Variants in CELF2 observed in about 807,000 individuals in gnomAD.
The protein encoded by CELF2 is CUGBP Elav-like family member 2.
In CELF2, 8 loss-of-function variants were observed where a neutral mutation model predicts 62.6. The ratio of observed to expected loss-of-function variants is 0.13; its 90% CI spans 0.07 to 0.23. The LOEUF (loss-of-function observed/expected upper bound fraction) is 0.23. Ranked by LOEUF, CELF2 falls within the 10% of genes least tolerant of loss-of-function variation. The probability of loss-of-function intolerance (pLI) is 1.00; values close to 1 mark genes in which losing one functional copy is unlikely to be tolerated. For missense variants in CELF2, 333 were observed against 671.0 expected (o/e 0.50, Z 5.56); for synonymous variants, 258 against 250.0 (o/e 1.03, Z -0.30).
chr10:11,011,254 T>C lies in CELF2; in HGVS notation c.53+5814T>C, dbSNP rs1430531994. 6.6e-6 allele frequency: 1 copy of C among 152,004 alleles called. No individual in the cohort carries two copies. Among genetic ancestry groups the C allele is most frequent in the East Asian group, 1.9e-4 (1 of 5,186 alleles). 9.4% of individuals were successfully genotyped at this position (152,004 alleles called of 1,614,324 possible). ...ATGAAAACCAAGCAAGTAACAAACA[T>C]ACATGCAGTGCTCAATGAAAGACAT... is the stretch of plus-strand genomic sequence containing the variant. On this transcript the variant is annotated intron_variant, in intron 1 of 12. Coordinates refer to the CELF2 transcript ENST00000416382. The surrounding 1 kb of genome is among the most constrained non-coding windows in gnomAD (Gnocchi z 4.6).
intron 1 of CELF2, among the ~76,000 whole-genome samples, chr10:11,134,329 C>G (rs1035370848): frequency 1.3e-5 from 2 of 152,170 alleles, no homozygotes; most frequent in African/African-American, 4.8e-5. Context: ...TCTGTAGTTG[C>G]GCATCTTCAC....
chr10:11,128,305 C>T (rs892862832), intron 1 of CELF2, among the ~76,000 whole-genome samples: 1 of 152,128 alleles, frequency 6.6e-6, no homozygotes, highest in African/African-American at 2.4e-5. Flanking sequence ...AGTTTGAAGT[C>T]AGGTAGTGTG....
the CELF2 span, among the ~76,000 whole-genome samples, chr10:10,503,963 A>G: frequency 1.3e-5 from 2 of 151,994 alleles, no homozygotes; most frequent in African/African-American, 4.8e-5. Flanking sequence ...CGATCTGCTG[A>G]TATCATCATT....
intron 1 of CELF2, among the ~76,000 whole-genome samples, chr10:11,048,928 A>G (rs751014838): frequency 6.6e-6 from 1 of 152,198 alleles, no homozygotes; most frequent in African/African-American, 2.4e-5. Context: ...TGTCAGGGAA[A>G]CAGAAATTAG....
intron 1 of CELF2, among the ~76,000 whole-genome samples, chr10:10,896,396 A>G (rs1165935788): frequency 6.6e-6 from 1 of 152,166 alleles, no homozygotes; most frequent in Non-Finnish European, 1.5e-5. Context: ...AAGATACACC[A>G]TGTGTACTGG....
chr10:10,929,143 G>A (rs1017750025), intron 2 of CELF2, among the ~76,000 whole-genome samples: 7 of 151,974 alleles, frequency 4.6e-5, no homozygotes, highest in African/African-American at 1.7e-4. Flanking sequence ...CATTTAATTG[G>A]CTGGAAAGTT....
intron 1 of CELF2, among the ~76,000 whole-genome samples, chr10:10,850,864 G>C (rs11256867): frequency 0.13 from 19,340 of 152,058 alleles, 1,611 homozygotes; most frequent in Non-Finnish European, 0.19. Flanking sequence ...GGAGTGCAGT[G>C]GCGTGACCTC....
intron 1 of CELF2, among the ~76,000 whole-genome samples, chr10:11,036,662 C>A (rs973911788): frequency 6.6e-6 from 1 of 152,212 alleles, no homozygotes; most frequent in Non-Finnish European, 1.5e-5. Context: ...CCTCCTCAGA[C>A]CAATCTCCTA....
At chr10:10,971,484 A>C (rs769736814) in intron 2 of CELF2, among the ~76,000 whole-genome samples, 1 of 151,880 alleles carries the variant, frequency 6.6e-6, no homozygotes, top group Non-Finnish European at 1.5e-5. Context: ...TGCTGCACCC[A>C]CCCTAGTTAC....
chr10:10,947,039 G>A lies in CELF2; in HGVS notation c.89+27040G>A, dbSNP rs535011410. 2.0e-5 allele frequency: 3 copies of A among 152,396 alleles called. No homozygotes were observed. Among genetic ancestry groups the A allele is most frequent in the Admixed American group, 2.0e-4 (3 of 15,308 alleles). The allele number at this position is 152,396 out of a possible 1,614,324, so 9.4% of individuals were successfully genotyped here. On this transcript the variant is annotated intron_variant, in intron 2 of 13. Coordinates refer to the CELF2 transcript ENST00000636488. This position sits in a 1 kb window ranked among gnomAD's most constrained non-coding sequence, Gnocchi z 4.1. ...GAAGAATGGCAGCTGTGCTGGAGCA[G>A]ACAGTGGTGTTTTCCATTGCATAGG...
At chr10:11,250,268 G>A (rs1246465908) in intron 4 of CELF2, among the ~76,000 whole-genome samples, 1 of 152,226 alleles carries the variant, frequency 6.6e-6, no homozygotes, top group Non-Finnish European at 1.5e-5. Flanking sequence ...AAGCTGCTCA[G>A]GAGGCCAAGG....
At chr10:10,587,612 T>G in the CELF2 span, among the ~76,000 whole-genome samples, 26 of 152,300 alleles carry the variant, frequency 1.7e-4, no homozygotes, top group East Asian at 4.6e-3. Flanking sequence ...CCTTTTTTTG[T>G]TGTTTGTTTG....
the CELF2 span, among the ~76,000 whole-genome samples, chr10:10,716,273 C>CA: frequency 6.8e-4 from 103 of 152,320 alleles, no homozygotes; most frequent in East Asian, 0.017. Context: ...AGGCCGGGCA[C>CA]AGTGGCTCAC....
the CELF2 span, among the ~76,000 whole-genome samples, chr10:10,729,195 G>A: frequency 6.6e-6 from 1 of 152,194 alleles, no homozygotes; most frequent in Admixed American, 6.5e-5. Flanking sequence ...CACAGGAGAG[G>A]AAGATTCGGT....
At chr10:11,253,210 G>A (rs1223506978) in intron 4 of CELF2, among the ~76,000 whole-genome samples, 1 of 152,168 alleles carries the variant, frequency 6.6e-6, no homozygotes. Flanking sequence ...TATATACAGA[G>A]CGTAAATCCA....
At chr10:10,615,333 A>G in the CELF2 span, among the ~76,000 whole-genome samples, 1 of 152,130 alleles carries the variant, frequency 6.6e-6, no homozygotes, top group Non-Finnish European at 1.5e-5. Flanking sequence ...ACAAAGCAGC[A>G]AAAAATTTGG....
At chr10:10,634,329 C>T in the CELF2 span, among the ~76,000 whole-genome samples, 1 of 152,002 alleles carries the variant, frequency 6.6e-6, no homozygotes, top group Non-Finnish European at 1.5e-5. Context: ...TAGAAATAGG[C>T]CCTTCTCTTC....
chr10:11,276,170 TG>T (rs2086035092), intron 8 of CELF2, among the ~76,000 whole-genome samples: 1 of 152,060 alleles, frequency 6.6e-6, no homozygotes, highest in African/African-American at 2.4e-5. Flanking sequence ...TCACTTCAAA[TG>T]AATCTGGAAA....
rs772836342 is a variant in CELF2 at position 11,246,354 on chromosome 10, C to A, written c.355-2799C>A. Among the ~76,000 whole-genome samples the A allele has an allele frequency of 5.3e-5, 8 of 152,070 alleles. No homozygotes were observed. The highest frequency in any genetic ancestry group is 1.5e-5 in the Non-Finnish European group (1 of 68,006). ...AGCAGATGAACCTGTATAAGTCTTTCCTGTCTTGAAAGGACAGATGGGTGG... is the reference window on the plus strand; with the variant it reads ...AGCAGATGAACCTGTATAAGTCTTTACTGTCTTGAAAGGACAGATGGGTGG... On this transcript the variant is annotated intron_variant, in intron 3 of 12. Coordinates refer to ENST00000633077, the MANE Select transcript of CELF2 (RefSeq NM_001326342.2). The surrounding 1 kb of genome is among the most constrained non-coding windows in gnomAD (Gnocchi z 4.6).
Sources: gnomAD v4.1 joint callset for allele counts (sites outside exome capture counted in the v4.1 genomes callset) on GRCh38, gnomAD v4.1.1 for gene constraint, Gnocchi (gnomAD v3.1) non-coding constraint, MANE v1.5 for transcripts, NCBI Gene and HGNC (gene_info 2026-07-23, HGNC 2026-07-21) for gene names.